CDH13: variants seen among roughly 807,000 people sequenced by gnomAD.
The protein encoded by CDH13 is cadherin 13.
Under a neutral mutation model 63.8 loss-of-function variants are expected in CDH13, and 24 were observed. That is an observed-to-expected ratio of 0.38 (90% CI 0.27 to 0.53). The LOEUF (loss-of-function observed/expected upper bound fraction) is 0.53. Among genes scored for constraint, CDH13 ranks in the 20% least tolerant of loss-of-function variants. The pLI, the probability that CDH13 is intolerant of heterozygous loss-of-function variation, is 0.85. For synonymous variants in CDH13, 503 were observed against 355.3 expected, an observed-to-expected ratio of 1.42 and a Z score of -4.67; for missense variants, 1,049 against 903.1, an observed-to-expected ratio of 1.16 and a Z score of -2.07.
At chr16:83,196,131 C>G (rs1035101247) in intron 4 of CDH13, among the ~76,000 whole-genome samples, 3 of 152,122 alleles carry the variant, frequency 2.0e-5, no homozygotes, top group Non-Finnish European at 4.4e-5. Flanking sequence ...TGGTGGGCAC[C>G]TGTAGTGCCA....
intron 1 of CDH13, among the ~76,000 whole-genome samples, chr16:82,707,238 T>A (rs2031565892): frequency 1.3e-5 from 2 of 152,240 alleles, no homozygotes. Flanking sequence ...CAAAAGCCAT[T>A]GCTAATGAGG....
intron 1 of CDH13, among the ~76,000 whole-genome samples, chr16:82,743,081 A>G (rs2034005155): frequency 6.6e-6 from 1 of 152,234 alleles, no homozygotes; most frequent in African/African-American, 2.4e-5. Context: ...CCATGTATGT[A>G]GCGCCCACAA....
chr16:83,031,759 C>G (rs922364475), intron 2 of CDH13, among the ~76,000 whole-genome samples: 5 of 152,140 alleles, frequency 3.3e-5, no homozygotes, highest in Non-Finnish European at 5.9e-5. Context: ...AGAAGGCACT[C>G]AAGTGTGCAC....
intron 10 of CDH13, among the ~76,000 whole-genome samples, chr16:83,706,041 A>T (rs764792330): frequency 4.6e-5 from 7 of 152,158 alleles, no homozygotes; most frequent in Non-Finnish European, 1.0e-4. Context: ...CAGGAATGTG[A>T]GCAGGGCACA....
intron 2 of CDH13, among the ~76,000 whole-genome samples, chr16:82,868,253 C>G (rs2040221009): frequency 6.6e-6 from 1 of 152,160 alleles, no homozygotes; most frequent in South Asian, 2.1e-4. Context: ...AATGTGGACT[C>G]CTATTTACAT....
At chr16:83,585,898 G>C (rs1906109544) in intron 7 of CDH13, among the ~76,000 whole-genome samples, 1 of 152,120 alleles carries the variant, frequency 6.6e-6, no homozygotes, top group South Asian at 2.1e-4. Flanking sequence ...TAGCAGTTGA[G>C]AGTATAAGGT....
chr16:83,785,489 G>A (rs1567595034), intron 13 of CDH13, among the ~76,000 whole-genome samples: 1 of 152,048 alleles, frequency 6.6e-6, no homozygotes, highest in Non-Finnish European at 1.5e-5. Flanking sequence ...ACTTTGGAGG[G>A]GCACAAACTT....
At chr16:83,039,352 C>T (rs1437977018) in intron 3 of CDH13, among the ~76,000 whole-genome samples, 1 of 152,120 alleles carries the variant, frequency 6.6e-6, no homozygotes, top group Non-Finnish European at 1.5e-5. Context: ...AAGTCTCATT[C>T]CTGCTCATCT....
intron 2 of CDH13, among the ~76,000 whole-genome samples, chr16:82,873,343 G>T (rs994958235): frequency 6.6e-5 from 10 of 152,306 alleles, no homozygotes; most frequent in African/African-American, 2.4e-4. Context: ...AAGAGCCCAA[G>T]ATCTCACTAA....
chr16:83,386,645 G>C (rs1037887586), intron 6 of CDH13, among the ~76,000 whole-genome samples: 1 of 152,136 alleles, frequency 6.6e-6, no homozygotes, highest in African/African-American at 2.4e-5. Flanking sequence ...CTTCATTTAA[G>C]GTAAGAGGTT....
At chr16:83,369,012 G>A (rs1463450293) in intron 6 of CDH13, among the ~76,000 whole-genome samples, 1 of 146,464 alleles carries the variant, frequency 6.8e-6, no homozygotes. Flanking sequence ...TGCAAATTGT[G>A]CTGCTATAAA....
chr16:83,242,989 C>T (rs539911122), intron 5 of CDH13, among the ~76,000 whole-genome samples: 1 of 152,128 alleles, frequency 6.6e-6, no homozygotes, highest in Non-Finnish European at 1.5e-5. Flanking sequence ...GAAGTAGGCA[C>T]TATTATTATT....
chr16:82,961,281 G>A (rs150298857), intron 2 of CDH13, among the ~76,000 whole-genome samples: 2,051 of 152,244 alleles, frequency 0.013, 16 homozygotes, highest in Non-Finnish European at 0.021. Flanking sequence ...GCTTACAGCC[G>A]CCCGTCATTT....
intron 1 of CDH13, among the ~76,000 whole-genome samples, chr16:82,638,545 C>G (rs1908970002): frequency 1.3e-5 from 2 of 152,114 alleles, no homozygotes; most frequent in Non-Finnish European, 1.5e-5. Flanking sequence ...ACCCTATGCT[C>G]CAAGGAATTT....
intron 2 of CDH13, among the ~76,000 whole-genome samples, chr16:82,905,459 G>A (rs74029994): frequency 0.012 from 1,769 of 151,614 alleles, 8 homozygotes; most frequent in Middle Eastern, 0.021. Context: ...GTGTGTGTGT[G>A]TGTGTGTGTA....
At chr16:83,324,698 A>C (rs903003329) in intron 5 of CDH13, among the ~76,000 whole-genome samples, 2 of 152,184 alleles carry the variant, frequency 1.3e-5, no homozygotes, top group Admixed American at 1.3e-4. Flanking sequence ...GAATAATACT[A>C]CTTTAAAATG....
rs952310180 is a variant in CDH13, at chr16:83,129,829, G to T, written c.483+4328G>T. ...ACATAGAGGATGTGGACAGGGCACT[G>T]ATCCCTTCTGCTTCATCACCAAAAC... On this transcript the variant is annotated intron_variant, in intron 4 of 13. Transcript: ENST00000567109. 4.6e-5 allele frequency among the ~76,000 whole-genome samples: 7 copies of T among 152,216 alleles called. No homozygotes were observed. The South Asian group carries it at 6.2e-4, about 14-fold the overall frequency.
intron 1 of CDH13, among the ~76,000 whole-genome samples, chr16:82,849,877 A>C (rs1180449341): frequency 6.6e-6 from 1 of 152,240 alleles, no homozygotes; most frequent in Non-Finnish European, 1.5e-5. Flanking sequence ...TGTTTACAAC[A>C]TGATTTATTC....
At chr16:82,869,851 A>G (rs1388620243) in intron 2 of CDH13, among the ~76,000 whole-genome samples, 1 of 152,216 alleles carries the variant, frequency 6.6e-6, no homozygotes, top group Non-Finnish European at 1.5e-5. Context: ...AAAGACTTAA[A>G]TCTAAGAACT....
Sources: allele counts gnomAD v4.1 joint callset (sites outside exome capture counted in the v4.1 genomes callset), GRCh38; gene constraint gnomAD v4.1.1; transcripts MANE v1.5; gene names NCBI Gene and HGNC (gene_info 2026-07-23, HGNC 2026-07-21).